MYCT1: variants seen among roughly 807,000 people sequenced by gnomAD.
MYCT1 encodes the protein MYC target 1, also known as myc target protein 1.
A neutral mutation model predicts 15.0 loss-of-function variants in MYCT1; 12 were observed. The observed-to-expected ratio is 0.80, with a 90% confidence interval of 0.51 to 1.29. The LOEUF is 1.29. Among genes scored for constraint, MYCT1 ranks in the 50% most tolerant of loss-of-function variants. The pLI, the probability that MYCT1 is intolerant of heterozygous loss-of-function variation, is 0.00. For synonymous variants in MYCT1, 104 were observed against 102.7 expected (o/e 1.01, Z -0.07); for missense variants, 287 against 279.1 (o/e 1.03, Z -0.20).
chr6:152,734,371 C>T, the MYCT1 span, among the ~76,000 whole-genome samples: 3 of 152,140 alleles, frequency 2.0e-5, no homozygotes, highest in Non-Finnish European at 4.4e-5. Context: ...GTTCAAATTC[C>T]TCCCCAAAAG....
chr6:152,714,733 TTA>T (rs1428989346), intron 1 of MYCT1, among the ~76,000 whole-genome samples: 1 of 151,712 alleles, frequency 6.6e-6, no homozygotes, highest in Admixed American at 6.6e-5. Context: ...ATTTGTTCTT[TTA>T]GTTTTTGTTT....
chr6:152,705,566 C>T (rs1481533645), intron 1 of MYCT1, among the ~76,000 whole-genome samples: 1 of 151,798 alleles, frequency 6.6e-6, no homozygotes, highest in African/African-American at 2.4e-5. Flanking sequence ...TGAGTAATAA[C>T]ATTCCCTTAT....
intron 1 of MYCT1, among the ~76,000 whole-genome samples, chr6:152,700,693 G>A (rs999206436): frequency 1.3e-5 from 2 of 152,058 alleles, no homozygotes; most frequent in African/African-American, 2.4e-5. Flanking sequence ...AGGAAACATG[G>A]CCCGTGAAAA....
At chr6:152,717,470 C>T (rs9479376) in intron 1 of MYCT1, among the ~76,000 whole-genome samples, 47,667 of 151,842 alleles carry the variant, frequency 0.31, 8,441 homozygotes, top group East Asian at 0.44. Flanking sequence ...GGGAGGGACC[C>T]GGTGGAAGGT....
At chr6:152,717,817 G>A (rs1011025450) in intron 1 of MYCT1, among the ~76,000 whole-genome samples, 3 of 151,706 alleles carry the variant, frequency 2.0e-5, no homozygotes, top group African/African-American at 7.3e-5. Flanking sequence ...CATGATGCGT[G>A]TACTCTACTG....
rs1037106044 is a variant in MYCT1 at position 152,705,519 on chromosome 6, T to C, written c.196+7421T>C. On this transcript the variant is annotated intron_variant, in intron 1 of 1. Transcript: ENST00000367245. ...TAGCATAATGTCCTCCAGGTTCATC[T>C]AGGTTGCTGAAAATGACAGGATTTT... Among the ~76,000 whole-genome samples the C allele has an allele frequency of 3.3e-5, 5 of 152,080 alleles. No individual in the cohort carries two copies. The South Asian group carries it at 6.2e-4, about 19-fold the overall frequency.
downstream of MYCT1, among the ~76,000 whole-genome samples, chr6:152,727,680 G>A (rs2099725906): frequency 6.6e-6 from 1 of 152,168 alleles, no homozygotes. Context: ...GTTCCAAAAT[G>A]CCTGACCAGG....
At chr6:152,728,130 C>T (rs1264630255), downstream of MYCT1, among the ~76,000 whole-genome samples, 1 of 151,092 alleles carries the variant, frequency 6.6e-6, no homozygotes, top group Non-Finnish European at 1.5e-5. Flanking sequence ...TGCCACTGCA[C>T]TCCAGCCTGG....
chr6:152,719,588 G>C (rs2099724326), intron 1 of MYCT1, among the ~76,000 whole-genome samples: 1 of 152,178 alleles, frequency 6.6e-6, no homozygotes, highest in Non-Finnish European at 1.5e-5. Context: ...CATTGCTTTA[G>C]AGAATGTTGA....
Position 152,715,454 on chromosome 6 carries a change from C to A in MYCT1, c.197-6288C>A, listed in dbSNP as rs556135101. 4.7e-4 allele frequency among the ~76,000 whole-genome samples: 71 copies of A among 152,278 alleles called. No homozygotes were observed. In the East Asian group the frequency reaches 0.013, roughly 27 times the overall value. On this transcript the variant is annotated intron_variant, in intron 1 of 1. Coordinates refer to ENST00000367245, the MANE Select transcript of MYCT1 (RefSeq NM_025107.3). ...ACTACCATTCACAAAAAGGCATCTACAATTTATTTTTTCCATGAAGCTTTT... is the reference window on the plus strand; with the variant it reads ...ACTACCATTCACAAAAAGGCATCTAAAATTTATTTTTTCCATGAAGCTTTT...
At position 152,721,761 on chromosome 6, in the gene MYCT1, C is replaced by T; in HGVS notation, c.216C>T (p.Phe72=). 6.2e-7 allele frequency: 1 copy of T among 1,613,832 alleles called. No homozygotes were observed. Among genetic ancestry groups the T allele is most frequent in the Non-Finnish European group, 8.5e-7 (1 of 1,179,904 alleles). ...TTTCAGAGGACCTTATCATGTCCTTCACTGTATCCATGGCAATCGGGCTGG... is the reference window on the plus strand; with the variant it reads ...TTTCAGAGGACCTTATCATGTCCTTTACTGTATCCATGGCAATCGGGCTGG... ...ENFWEDLIMS[F]TVSMAIGLVL... Residue 72 remains phenylalanine, a synonymous_variant, in exon 2 of 2, where the codon TTC becomes TTT. Coordinates refer to ENST00000367245, the MANE Select transcript of MYCT1 (RefSeq NM_025107.3).
intron 1 of MYCT1, among the ~76,000 whole-genome samples, chr6:152,708,496 T>C (rs532612952): frequency 2.0e-5 from 3 of 152,158 alleles, no homozygotes; most frequent in Non-Finnish European, 2.9e-5. Context: ...CTGGATGATA[T>C]AGTAAGTCCC....
At chr6:152,731,186 G>T in the MYCT1 span, among the ~76,000 whole-genome samples, 1 of 151,334 alleles carries the variant, frequency 6.6e-6, no homozygotes, top group East Asian at 1.9e-4. Context: ...GAAAGTAAAA[G>T]GGCAGGCAAA....
At chr6:152,733,514 G>A in the MYCT1 span, among the ~76,000 whole-genome samples, 2 of 152,170 alleles carry the variant, frequency 1.3e-5, no homozygotes, top group Non-Finnish European at 2.9e-5. Context: ...TTTAACAAGT[G>A]CCTTGGAGGA....
intron 1 of MYCT1, among the ~76,000 whole-genome samples, chr6:152,718,953 C>A (rs2099724220): frequency 6.6e-6 from 1 of 151,936 alleles, no homozygotes; most frequent in South Asian, 2.1e-4. Flanking sequence ...GAGTATTTGT[C>A]TTCTCATTTG....
chr6:152,731,219 G>C, the MYCT1 span, among the ~76,000 whole-genome samples: 1 of 99,306 alleles, frequency 1.0e-5, no homozygotes, highest in Non-Finnish European at 2.6e-5. Context: ...TGTACCTAGC[G>C]TGAAAAAAAA....
chr6:152,721,109 C>A (rs1414746615), intron 1 of MYCT1, among the ~76,000 whole-genome samples: 4 of 152,072 alleles, frequency 2.6e-5, no homozygotes, highest in Non-Finnish European at 5.9e-5. Context: ...CAAGAAAGAG[C>A]CCAGTAGTCT....
the MYCT1 span, among the ~76,000 whole-genome samples, chr6:152,735,901 T>G: frequency 3.7e-4 from 57 of 152,044 alleles, no homozygotes; most frequent in Non-Finnish European, 6.6e-4. Flanking sequence ...AAAAAAGCCC[T>G]TTTTTTCTTC....
intron 1 of MYCT1, among the ~76,000 whole-genome samples, chr6:152,716,292 C>T (rs1429710220): frequency 1.3e-5 from 2 of 152,158 alleles, no homozygotes; most frequent in South Asian, 4.1e-4. Flanking sequence ...ATATTATTCT[C>T]CCTAAAAGCC....
Sources: allele counts gnomAD v4.1 joint callset (sites outside exome capture counted in the v4.1 genomes callset), GRCh38; gene constraint gnomAD v4.1.1; transcripts MANE v1.5; gene names NCBI Gene and HGNC (gene_info 2026-07-23, HGNC 2026-07-21).